Variants in AHCYL2 observed in about 807,000 individuals in gnomAD.
The protein encoded by AHCYL2 is S-adenosylhomocysteine hydrolase-like protein 2.
AHCYL2 carries 28 observed loss-of-function variants against 81.4 expected under a neutral mutation model. The observed-to-expected ratio is 0.34, with a 90% CI of 0.25 to 0.47. The LOEUF (loss-of-function observed/expected upper bound fraction) is 0.47. Ranked by LOEUF, AHCYL2 falls within the 20% of genes least tolerant of loss-of-function variation. The probability of loss-of-function intolerance (pLI) is 1.00; values close to 1 mark genes in which losing one functional copy is unlikely to be tolerated. For synonymous variants in AHCYL2, 272 were observed against 290.2 expected (o/e 0.94, Z 0.64); for missense variants, 551 against 785.1 (o/e 0.70, Z 3.56).
Position 129,260,155 on chromosome 7 carries a change from G to A in AHCYL2, c.363+34716G>A, listed in dbSNP as rs1369489840. On this transcript the variant is annotated intron_variant, in intron 1 of 16. Coordinates refer to ENST00000325006, the MANE Select transcript of AHCYL2 (RefSeq NM_015328.4). ...TGCCTTAGTTATGCCTGCTTAGCTTGTGCCAGTTAAGGCTTTTTACTTTGA... is the reference window on the plus strand; with the variant it reads ...TGCCTTAGTTATGCCTGCTTAGCTTATGCCAGTTAAGGCTTTTTACTTTGA... Among the ~76,000 whole-genome samples, 7 of 149,568 alleles carry A rather than the reference G, an allele frequency of 4.7e-5. No homozygotes were observed. In the South Asian group the frequency reaches 8.4e-4, roughly 18 times the overall value.
At chr7:129,293,549 A>G (rs1321751681) in intron 1 of AHCYL2, among the ~76,000 whole-genome samples, 2 of 152,018 alleles carry the variant, frequency 1.3e-5, no homozygotes, top group Non-Finnish European at 2.9e-5. Flanking sequence ...ATGGTGGCAC[A>G]TGCCTATAGT....
In AHCYL2 at chr7:129,406,015, A is replaced by G; in HGVS notation, c.1206+116A>G. 2 of 905,660 alleles carry G rather than the reference A, an allele frequency of 2.2e-6. No homozygotes were observed. The highest frequency in any genetic ancestry group is 3.4e-6 in the Non-Finnish European group (2 of 595,030). 56.1% of individuals were successfully genotyped at this position (905,660 alleles called of 1,614,324 possible). ...CCCTTTACCACTTTAGATGAGAAAA[A>G]GAATTTCAGAGGCCTTCTGGTTGAA... On this transcript the variant is annotated intron_variant, in intron 9 of 16. Transcript: ENST00000325006. This position sits in a 1 kb window ranked among gnomAD's most constrained non-coding sequence, Gnocchi z 4.3.
rs1794220395 is a variant in AHCYL2 at position 129,368,614 on chromosome 7, G to A, written c.364-11024G>A. 3 of 1,580,256 alleles carry A rather than the reference G, an allele frequency of 1.9e-6. No homozygotes were observed. Among genetic ancestry groups the A allele is most frequent in the South Asian group, 2.2e-5 (2 of 90,428 alleles). ...TTGATAATGAGAGGCAACCATTTCT[G>A]ACGGGTGACAAGGATCACCTCTGAG... On this transcript the variant is annotated intron_variant, in intron 1 of 16. Transcript: ENST00000325006. The surrounding 1 kb of genome is among the most constrained non-coding windows in gnomAD (Gnocchi z 4.4).
intron 11 of AHCYL2, among the ~76,000 whole-genome samples, chr7:129,413,083 G>A (rs913401627): frequency 4.7e-5 from 7 of 150,220 alleles, no homozygotes; most frequent in Admixed American, 4.6e-4. Flanking sequence ...TCAAGTTATT[G>A]ATTCTGCCTC....
intron 1 of AHCYL2, among the ~76,000 whole-genome samples, chr7:129,263,051 TA>T (rs1371353362): frequency 6.6e-6 from 1 of 152,226 alleles, no homozygotes; most frequent in African/African-American, 2.4e-5. Context: ...CGAAGGGTTT[TA>T]AGCTGGGGAT....
intron 7 of AHCYL2, among the ~76,000 whole-genome samples, chr7:129,404,855 A>G (rs978266984): frequency 1.3e-5 from 2 of 152,138 alleles, no homozygotes; most frequent in Non-Finnish European, 2.9e-5. Context: ...AGGCCTTAAA[A>G]TTTAGAGGTG....
At chr7:129,399,769 C>T (rs1453832132) in intron 5 of AHCYL2, among the ~76,000 whole-genome samples, 1 of 149,762 alleles carries the variant, frequency 6.7e-6, no homozygotes, top group Non-Finnish European at 1.5e-5. Flanking sequence ...CCCTGTCGCC[C>T]AGGCTGGAGT....
intron 1 of AHCYL2, among the ~76,000 whole-genome samples, chr7:129,228,122 T>C (rs541281062): frequency 2.6e-5 from 4 of 152,338 alleles, no homozygotes; most frequent in Non-Finnish European, 4.4e-5. Flanking sequence ...GTTTTTCTTA[T>C]AGCATATGAA....
chr7:129,404,168 C>G (rs1313409228), intron 7 of AHCYL2, among the ~76,000 whole-genome samples: 1 of 151,960 alleles, frequency 6.6e-6, no homozygotes, highest in Non-Finnish European at 1.5e-5. Context: ...AGGAACTGCT[C>G]TAGATGCTAG....
intron 1 of AHCYL2, among the ~76,000 whole-genome samples, chr7:129,362,486 C>T (rs1793963880): frequency 6.6e-6 from 1 of 151,868 alleles, no homozygotes; most frequent in Non-Finnish European, 1.5e-5. Flanking sequence ...CCAGCAATTC[C>T]AGCCAGTCTC....
chr7:129,329,725 A>G (rs1345760663), intron 1 of AHCYL2, among the ~76,000 whole-genome samples: 2 of 152,202 alleles, frequency 1.3e-5, no homozygotes, highest in Admixed American at 1.3e-4. Flanking sequence ...AATGAATAGG[A>G]TGACACCTAC....
chr7:129,233,581 G>A (rs1307299061), intron 1 of AHCYL2, among the ~76,000 whole-genome samples: 5 of 152,014 alleles, frequency 3.3e-5, no homozygotes, highest in Non-Finnish European at 5.9e-5. Context: ...TCCGCCTCCC[G>A]GGTTCAAGCG....
At chr7:129,274,510 A>G (rs1563176372) in intron 1 of AHCYL2, among the ~76,000 whole-genome samples, 2 of 152,070 alleles carry the variant, frequency 1.3e-5, no homozygotes, top group African/African-American at 2.4e-5. Flanking sequence ...GCCGCCACCA[A>G]TTTCTTCCCT....
intron 1 of AHCYL2, among the ~76,000 whole-genome samples, chr7:129,367,745 A>G (rs938443821): frequency 3.9e-5 from 6 of 152,198 alleles, no homozygotes. Context: ...GCCTTCGTGT[A>G]TGTAGCACAG....
At chr7:129,312,996 T>C (rs1379441197) in intron 1 of AHCYL2, among the ~76,000 whole-genome samples, 1 of 152,248 alleles carries the variant, frequency 6.6e-6, no homozygotes, top group East Asian at 1.9e-4. Flanking sequence ...GTACTTTTTC[T>C]TTCTTCTGTC....
chr7:129,244,188 G>A (rs539769215), intron 1 of AHCYL2, among the ~76,000 whole-genome samples: 1 of 147,514 alleles, frequency 6.8e-6, no homozygotes, highest in South Asian at 2.1e-4. Flanking sequence ...TTTTTCTGTA[G>A]ATACAGAGTC....
chr7:129,259,714 GACTC>G (rs1584715246), intron 1 of AHCYL2, among the ~76,000 whole-genome samples: 1 of 152,158 alleles, frequency 6.6e-6, no homozygotes, highest in Non-Finnish European at 1.5e-5. Context: ...TGAAAACGAC[GACTC>G]ACTCTGTTGT....
At chr7:129,413,784 A>G in intron 12 of AHCYL2, 96 bp downstream of exon 12, 3 of 993,294 alleles carry the variant, frequency 3.0e-6, no homozygotes, top group East Asian at 2.5e-5. Flanking sequence ...CATCCTAAAC[A>G]TGACTATCCT....
At position 129,425,119 on chromosome 7, in the gene AHCYL2, C is replaced by T; in HGVS notation, c.1686C>T (p.Val562=). 6.2e-7 allele frequency: 1 copy of T among 1,613,410 alleles called. No individual in the cohort carries two copies. Among genetic ancestry groups the T allele is most frequent in the Non-Finnish European group, 8.5e-7 (1 of 1,179,946 alleles). The part of the protein sequence containing the change: ...NAPEGRYKQD[V]YLLPKKMDEY... ...CTGAGGGTCGCTATAAGCAGGATGT[C>T]TACCTGTTGCCCAAGAAGATGGGTA... The change falls in exon 15 of 17, where the codon GTC becomes GTT. Residue 562 remains valine, a synonymous_variant. Coordinates refer to ENST00000325006, the MANE Select transcript of AHCYL2 (RefSeq NM_015328.4).
Sources: gnomAD v4.1 joint callset for allele counts (sites outside exome capture counted in the v4.1 genomes callset) on GRCh38, gnomAD v4.1.1 for gene constraint, Gnocchi (gnomAD v3.1) non-coding constraint, MANE v1.5 for transcripts, NCBI Gene and HGNC (gene_info 2026-07-23, HGNC 2026-07-21) for gene names.